FARP1: variants seen among roughly 807,000 people sequenced by gnomAD.
The protein encoded by FARP1 is FERM, ARHGEF and pleckstrin domain-containing protein 1.
Under a neutral mutation model 128.8 loss-of-function variants are expected in FARP1, and 52 were observed. That is an observed-to-expected ratio of 0.40 (90% CI 0.32 to 0.51). FARP1 has a LOEUF of 0.51. FARP1 is among the 20% of genes least tolerant of loss of function. The probability of loss-of-function intolerance (pLI) is 0.45; values close to 1 mark genes in which losing one functional copy is unlikely to be tolerated. For missense variants in FARP1, 1,333 were observed against 1,367.9 expected (o/e 0.97, Z 0.40); for synonymous variants, 580 against 551.8 (o/e 1.05, Z -0.72).
intron 2 of FARP1, among the ~76,000 whole-genome samples, chr13:98,272,684 G>T (rs56096505): frequency 8.5e-5 from 13 of 152,144 alleles, no homozygotes; most frequent in Middle Eastern, 3.2e-3. Context: ...AGGATCAAAG[G>T]GGGTGTCAGA....
At chr13:98,314,900 G>T (rs1886656080) in intron 2 of FARP1, among the ~76,000 whole-genome samples, 1 of 152,196 alleles carries the variant, frequency 6.6e-6, no homozygotes, top group Non-Finnish European at 1.5e-5. Flanking sequence ...CTTTGTGTTT[G>T]CTTGGGACTC....
intron 2 of FARP1, among the ~76,000 whole-genome samples, chr13:98,277,844 C>T (rs605695): frequency 1.3e-5 from 2 of 150,786 alleles, no homozygotes; most frequent in South Asian, 2.1e-4. Context: ...TTCCACCCCC[C>T]AGAAATTCTG....
At chr13:98,303,455 C>T (rs1484986486) in intron 2 of FARP1, among the ~76,000 whole-genome samples, 5 of 152,092 alleles carry the variant, frequency 3.3e-5, no homozygotes, top group South Asian at 4.1e-4. Context: ...AGGCTTGTGG[C>T]GAGGGTTGAG....
intron 1 of FARP1, 134 bp from the exon 2 acceptor site, chr13:98,213,086 C>T (rs534944531): frequency 2.1e-4 from 125 of 581,780 alleles, no homozygotes; most frequent in Admixed American, 2.8e-4. Context: ...GTGAGTGAAC[C>T]GATGCCTCCC....
chr13:98,317,453 T>C (rs577358431), intron 2 of FARP1, among the ~76,000 whole-genome samples: 5 of 152,318 alleles, frequency 3.3e-5, no homozygotes, highest in African/African-American at 1.2e-4. Context: ...GTCTCCTTCC[T>C]TGTTTTGAAC....
rs1407417529 is a variant in FARP1, at chr13:98,446,715, T to A, written c.2954T>A (p.Ile985Asn). 2 of 1,613,844 alleles carry A rather than the reference T, an allele frequency of 1.2e-6. No homozygotes were observed. The highest frequency in any genetic ancestry group is 2.7e-5 in the African/African-American group (2 of 74,832). ...CCTCTGCTCGGCTACTCGCTCACCA[T>A]CCCCTCTGAGTCCGAGAACATCCAG... Reference protein sequence around the residue: ...SLPLLGYSLTIPSESENIQKD... With the variant: ...SLPLLGYSLTNPSESENIQKD... Residue 985 changes from isoleucine to asparagine, a missense_variant, in exon 26 of 27, where the codon ATC becomes AAC. Coordinates refer to ENST00000319562, the MANE Select transcript of FARP1 (RefSeq NM_005766.4).
intron 2 of FARP1, among the ~76,000 whole-genome samples, chr13:98,222,575 A>T (rs1388192698): frequency 6.6e-6 from 1 of 151,788 alleles, no homozygotes; most frequent in African/African-American, 2.4e-5. Context: ...AGGATAATAC[A>T]ACATGTTGGC....
At chr13:98,151,658 A>ATTTTTTTTTTTTTTTTTTT (rs1197060435) in intron 1 of FARP1, among the ~76,000 whole-genome samples, 9 of 24,182 alleles carry the variant, frequency 3.7e-4, no homozygotes, top group Non-Finnish European at 1.0e-3. Context: ...TATATCTTCC[A>ATTTTTTTTTTTTTTTTTTT]TCTTTTTTTT....
Position 98,245,233 on chromosome 13 carries a change from T to A in FARP1, c.171+31820T>A, listed in dbSNP as rs935307837. ...AAATCTACAGTAATTTTTGTGTAAC[T>A]TTTTTATTCAAAGAATGGATTGTTA... On this transcript the variant is annotated intron_variant, in intron 2 of 26. Coordinates refer to ENST00000319562, the MANE Select transcript of FARP1 (RefSeq NM_005766.4). 1.3e-4 allele frequency: 126 copies of A among 985,048 alleles called. 1 individual carries two copies. Among genetic ancestry groups the A allele is most frequent in the Non-Finnish European group, 1.5e-4 (122 of 829,474 alleles). 61.0% of individuals were successfully genotyped at this position (985,048 alleles called of 1,614,324 possible). A position where few individuals can be genotyped will look rare whatever the true frequency, so the allele number is the denominator to read the frequency against.
At chr13:98,427,869 G>A (rs1175668884) in intron 17 of FARP1, among the ~76,000 whole-genome samples, 1 of 152,238 alleles carries the variant, frequency 6.6e-6, no homozygotes, top group Non-Finnish European at 1.5e-5. Flanking sequence ...AGGTTGCTGA[G>A]AGTCACTGGC....
chr13:98,164,301 T>G (rs1424322513), intron 1 of FARP1, among the ~76,000 whole-genome samples: 1 of 141,690 alleles, frequency 7.1e-6, no homozygotes, highest in East Asian at 1.9e-4. Flanking sequence ...TGACGGAACA[T>G]CTGGACTGTT....
At chr13:98,422,409 C>G (rs987350820) in intron 16 of FARP1, among the ~76,000 whole-genome samples, 2 of 152,144 alleles carry the variant, frequency 1.3e-5, no homozygotes, top group African/African-American at 4.8e-5. Context: ...ACGCAGAGGA[C>G]TGAGGATGCT....
intron 24 of FARP1, among the ~76,000 whole-genome samples, chr13:98,441,513 C>A (rs1892523336): frequency 6.6e-6 from 1 of 152,198 alleles, no homozygotes; most frequent in Admixed American, 6.5e-5. Flanking sequence ...GAAAGGAGCC[C>A]CGCAGGGCCC....
In FARP1 at chr13:98,336,100, G is replaced by C. The variant is rs141228171; in HGVS notation, c.172-7662G>C. ...TTAATTGATTTAGATGATTTAATGT[G>C]GTAGGGAGAGGGAGAATATACTCCC... On this transcript the variant is annotated intron_variant, in intron 2 of 26. Coordinates refer to ENST00000319562, the MANE Select transcript of FARP1 (RefSeq NM_005766.4). 3.1e-3 allele frequency among the ~76,000 whole-genome samples: 477 copies of C among 152,294 alleles called. 1 individual carries two copies. The highest frequency in any genetic ancestry group is 0.011 in the African/African-American group (457 of 41,544).
At chr13:98,377,080 A>T (rs1889617314) in intron 5 of FARP1, among the ~76,000 whole-genome samples, 1 of 152,054 alleles carries the variant, frequency 6.6e-6, no homozygotes, top group African/African-American at 2.4e-5. Flanking sequence ...AGGTGGGCAG[A>T]TCATGAGGTC....
chr13:98,420,640 T>C (rs1891559178), intron 16 of FARP1, among the ~76,000 whole-genome samples: 2 of 152,170 alleles, frequency 1.3e-5, no homozygotes, highest in Non-Finnish European at 2.9e-5. Context: ...CTTTACATGG[T>C]TTTCCTAAGT....
At chr13:98,435,868 A>C (rs182116849) in intron 19 of FARP1, 162 bp downstream of exon 19, 13 of 769,298 alleles carry the variant, frequency 1.7e-5, no homozygotes, top group Non-Finnish European at 3.0e-5. Context: ...TCGTTAGTTC[A>C]GAATCATTGT....
intron 5 of FARP1, among the ~76,000 whole-genome samples, chr13:98,376,221 G>C (rs1276737840): frequency 2.6e-5 from 4 of 152,012 alleles, no homozygotes. Flanking sequence ...TCAAATATTA[G>C]ATCTTATTCA....
chr13:98,365,534 A>T (rs1160448880), intron 4 of FARP1, 97 bp downstream of exon 4: 1 of 802,890 alleles, frequency 1.2e-6, no homozygotes, highest in Admixed American at 2.2e-5. Flanking sequence ...AGCACTAGAA[A>T]CACAAATTCT....
Sources: allele counts gnomAD v4.1 joint callset (sites outside exome capture counted in the v4.1 genomes callset), GRCh38; gene constraint gnomAD v4.1.1; transcripts MANE v1.5; gene names NCBI Gene and HGNC (gene_info 2026-07-23, HGNC 2026-07-21).